Variants in GOLGA3 observed in about 807,000 individuals in gnomAD.
GOLGA3 encodes the protein golgin subfamily A member 3.
A neutral mutation model predicts 169.4 loss-of-function variants in GOLGA3; 75 were observed. The observed-to-expected ratio is 0.44, with a 90% CI of 0.37 to 0.54. The LOEUF is 0.54. GOLGA3 is among the 20% of genes least tolerant of loss of function. GOLGA3 has a pLI of 0.00. For missense variants in GOLGA3, 1,899 were observed against 1,930.0 expected, an observed-to-expected ratio of 0.98 and a Z score of 0.30; for synonymous variants, 824 against 822.4, an observed-to-expected ratio of 1.00 and a Z score of -0.03.
intron 17 of GOLGA3, among the ~76,000 whole-genome samples, chr12:132,781,885 AC>A (rs2045624427): frequency 6.6e-6 from 1 of 152,158 alleles, no homozygotes; most frequent in Admixed American, 6.5e-5. Context: ...GAACTCAGCC[AC>A]ACCCACATGG....
At position 132,819,086 on chromosome 12, in the gene GOLGA3, G is replaced by A. The variant is rs916618568; in HGVS notation, c.134-2274C>T. On this transcript the variant is annotated intron_variant, in intron 2 of 23. Transcript: ENST00000450791. Reference sequence around the variant, plus strand: ...ACAGTCAAAGAACCAAGACATGTGAGGGGGGAGGGAGGGTCCTCAGGGGGT... The same window carrying A: ...ACAGTCAAAGAACCAAGACATGTGAAGGGGGAGGGAGGGTCCTCAGGGGGT... 1.1e-4 allele frequency among the ~76,000 whole-genome samples: 17 copies of A among 152,118 alleles called. No homozygotes were observed. The South Asian group carries it at 1.2e-3, about 11-fold the overall frequency.
chr12:132,786,962 T>A (rs1300228457), intron 13 of GOLGA3, among the ~76,000 whole-genome samples, 175 bp from the exon 14 acceptor site: 1 of 151,922 alleles, frequency 6.6e-6, no homozygotes, highest in Non-Finnish European at 1.5e-5. Flanking sequence ...CACTCTTTTT[T>A]TTTTTTATTG....
At chr12:132,780,532 A>T (rs1174215221) in intron 18 of GOLGA3, among the ~76,000 whole-genome samples, 1 of 152,222 alleles carries the variant, frequency 6.6e-6, no homozygotes, top group Non-Finnish European at 1.5e-5. Flanking sequence ...AACACGACAT[A>T]CAGGACACCA....
chr12:132,822,449 A>G (rs2136789315), intron 1 of GOLGA3, 138 bp from the exon 2 acceptor site: 1 of 541,178 alleles, frequency 1.8e-6, no homozygotes, highest in East Asian at 3.5e-5. Context: ...ATAATCCTGG[A>G]GCACCCACAA....
chr12:132,784,637 C>T (rs1470323409), intron 15 of GOLGA3, among the ~76,000 whole-genome samples: 1 of 152,126 alleles, frequency 6.6e-6, no homozygotes, highest in African/African-American at 2.4e-5. Flanking sequence ...ATACCACACA[C>T]ATGCTCACGC....
At chr12:132,800,031 G>T (rs1036221081) in intron 8 of GOLGA3, among the ~76,000 whole-genome samples, 1 of 152,140 alleles carries the variant, frequency 6.6e-6, no homozygotes, top group Admixed American at 6.5e-5. Flanking sequence ...ATGCGCTACT[G>T]CACCTGGCCC....
At chr12:132,775,878 T>C (rs910109067) in intron 21 of GOLGA3, among the ~76,000 whole-genome samples, 1 of 152,256 alleles carries the variant, frequency 6.6e-6, no homozygotes, top group Admixed American at 6.5e-5. Context: ...TTATCGCAAA[T>C]TGGCAAACTT....
At position 132,769,320 on chromosome 12, in the gene GOLGA3, T is replaced by C. The variant is rs2044790078; in HGVS notation, c.*3785A>G. 6.6e-6 allele frequency: 1 copy of C among 152,244 alleles called. No individual in the cohort carries two copies. The highest frequency in any genetic ancestry group is 2.4e-5 in the African/African-American group (1 of 41,454). 9.4% of individuals were successfully genotyped at this position (152,244 alleles called of 1,614,324 possible). On this transcript the variant is annotated 3_prime_UTR_variant, in exon 24 of 24. Coordinates refer to ENST00000450791, the MANE Select transcript of GOLGA3 (RefSeq NM_001389683.1). Reference sequence around the variant, plus strand: ...TTTGCTGGTCCCTCCCCTCCTAGAATCTTCACGTACAACATTCTGTTTTTG... The same window carrying C: ...TTTGCTGGTCCCTCCCCTCCTAGAACCTTCACGTACAACATTCTGTTTTTG...
At chr12:132,784,139 G>A (rs572396643) in intron 16 of GOLGA3, 25 bp downstream of exon 16, 15 of 1,603,650 alleles carry the variant, frequency 9.4e-6, no homozygotes, top group African/African-American at 1.3e-5. Context: ...CCACGCTGCC[G>A]CCACAGCAGA....
chr12:132,798,608 A>C, intron 8 of GOLGA3, 131 bp from the exon 9 acceptor site: 26 of 381,324 alleles, frequency 6.8e-5, no homozygotes, highest in East Asian at 9.5e-5. Flanking sequence ...AAGCCCCACT[A>C]CCCACTACAC....
rs2045328918 is a variant in GOLGA3 at position 132,777,763 on chromosome 12, A to G, written c.3625T>C (p.Phe1209Leu). ...KVEAGHNRRH[F>L]KAASLELSEV... ...CTCAGCTCCAAGGAGGCCGCCTTGA[A>G]GTGGCGGCGGTTATGCCCGGCTTCC... is the stretch of plus-strand genomic sequence containing the variant. The change falls in exon 19 of 24, where the codon TTC (phenylalanine) becomes CTC (leucine). Residue 1209 changes from phenylalanine (F) to leucine (L), a missense_variant. Transcript: ENST00000450791. This position sits in a 1 kb window ranked among gnomAD's most constrained non-coding sequence, Gnocchi z 4.7. 1 of 1,613,848 alleles carries G rather than the reference A, an allele frequency of 6.2e-7. No individual in the cohort carries two copies.
intron 18 of GOLGA3, among the ~76,000 whole-genome samples, chr12:132,778,177 G>C (rs1381805481): frequency 6.6e-6 from 1 of 152,248 alleles, no homozygotes; most frequent in Non-Finnish European, 1.5e-5. Flanking sequence ...TCAGGAGGCT[G>C]AGGTGGAAGG....
At chr12:132,781,432 G>A (rs368523872) in intron 17 of GOLGA3, among the ~76,000 whole-genome samples, 9 of 152,242 alleles carry the variant, frequency 5.9e-5, no homozygotes, top group South Asian at 2.1e-4. Context: ...GGTGGTGCAC[G>A]CCTGTAGTCC....
chr12:132,810,825 G>A (rs181549545), intron 4 of GOLGA3, among the ~76,000 whole-genome samples: 56 of 152,288 alleles, frequency 3.7e-4, no homozygotes, highest in African/African-American at 1.3e-3. Context: ...TCAGGCCCGC[G>A]CACAGTTATC....
rs1310043262 is a variant in GOLGA3, at chr12:132,769,792, T to C, written c.*3313A>G. On this transcript the variant is annotated 3_prime_UTR_variant, in exon 24 of 24. Transcript: ENST00000450791. The stretch of plus-strand genomic sequence containing the variant: ...AGCAGTACTCCCAACTTCACTGCCT[T>C]TTCCGTGAGGATATTCCATCATTCC... 2 of 152,206 alleles carry C rather than the reference T, an allele frequency of 1.3e-5. No individual in the cohort carries two copies. The highest frequency in any genetic ancestry group is 4.8e-5 in the African/African-American group (2 of 41,454). 9.4% of individuals were successfully genotyped at this position (152,206 alleles called of 1,614,324 possible).
chr12:132,784,611 G>A (rs1334657170), intron 15 of GOLGA3, among the ~76,000 whole-genome samples: 1 of 152,154 alleles, frequency 6.6e-6, no homozygotes, highest in Non-Finnish European at 1.5e-5. Flanking sequence ...CAAGCAAGCA[G>A]CACCAGTTGT....
At position 132,772,463 on chromosome 12, in the gene GOLGA3, G is replaced by A. The variant is rs370885309; in HGVS notation, c.*642C>T. 24 of 142,430 alleles carry A rather than the reference G, an allele frequency of 1.7e-4. No individual in the cohort carries two copies. In the East Asian group the frequency reaches 2.1e-3, roughly 13 times the overall value. 8.8% of individuals were successfully genotyped at this position (142,430 alleles called of 1,614,324 possible). A position where few individuals can be genotyped will look rare whatever the true frequency, so the allele number is the denominator to read the frequency against. On this transcript the variant is annotated 3_prime_UTR_variant, in exon 24 of 24. Transcript: ENST00000450791. ...AGAGGCTGAGGCAGGAGAATCGCAT[G>A]AACCTGGGAGGCGGAGCTTGCAGTG...
chr12:132,826,073 A>G lies in GOLGA3; in HGVS notation c.-184+2730T>C, dbSNP rs1310201315. On this transcript the variant is annotated intron_variant, in intron 1 of 23. Transcript: ENST00000450791. ...CTTCAGGGACGTCCAGATCGGTGAC[A>G]TCGTCACAGTGGGCGAGTGCCGGCC... 3.5e-6 allele frequency: 5 copies of G among 1,418,980 alleles called. No homozygotes were observed. In the African/African-American group the frequency reaches 7.0e-5, roughly 20 times the overall value. The allele number at this position is 1,418,980 out of a possible 1,614,324, so 87.9% of individuals were successfully genotyped here.
At chr12:132,787,564 T>TCCCCGAGACCCCGGGACC (rs573818017) in intron 13 of GOLGA3, among the ~76,000 whole-genome samples, 1 of 48,732 alleles carries the variant, frequency 2.1e-5, no homozygotes, top group Admixed American at 2.3e-4. Flanking sequence ...CCAGGACCCT[T>TCCCCGAGACCCCGGGACC]CCTGAGACCC....
Sources: allele counts gnomAD v4.1 joint callset (sites outside exome capture counted in the v4.1 genomes callset), GRCh38; gene constraint gnomAD v4.1.1; non-coding constraint Gnocchi (gnomAD v3.1); transcripts MANE v1.5; gene names NCBI Gene and HGNC (gene_info 2026-07-23, HGNC 2026-07-21).